The following PIK3CB variants were observed in gnomAD, a reference collection of about 807,000 sequenced individuals.
PIK3CB encodes phosphatidylinositol 4,5-bisphosphate 3-kinase catalytic subunit beta isoform.
A neutral mutation model predicts 136.8 loss-of-function variants in PIK3CB; 39 were observed. The ratio of observed to expected loss-of-function variants is 0.29; its 90% CI spans 0.22 to 0.37. PIK3CB has a LOEUF of 0.37. Ranked by LOEUF, PIK3CB falls within the 10% of genes least tolerant of loss-of-function variation. PIK3CB has a pLI of 1.00. For missense variants in PIK3CB, 868 were observed against 1,275.4 expected, an observed-to-expected ratio of 0.68 and a Z score of 4.87; for synonymous variants, 428 against 436.6, an observed-to-expected ratio of 0.98 and a Z score of 0.25.
chr3:138,745,632 C>CA (rs1265454736), intron 4 of PIK3CB, among the ~76,000 whole-genome samples: 9 of 149,890 alleles, frequency 6.0e-5, no homozygotes, highest in East Asian at 1.9e-4. Flanking sequence ...GACCCCATCT[C>CA]AAAAAAAAAG....
At chr3:138,799,206 C>G (rs2046143218) in intron 1 of PIK3CB, among the ~76,000 whole-genome samples, 1 of 139,688 alleles carries the variant, frequency 7.2e-6, no homozygotes, top group Admixed American at 7.4e-5. Flanking sequence ...GAGACAGAGT[C>G]TCACTCTGTC....
intron 16 of PIK3CB, among the ~76,000 whole-genome samples, chr3:138,688,089 A>T (rs909086869): frequency 2.0e-5 from 3 of 152,238 alleles, no homozygotes; most frequent in African/African-American, 7.2e-5. Context: ...AAAGTTTTTA[A>T]CATCATGAAA....
At chr3:138,712,133 T>C in intron 10 of PIK3CB, 75 bp downstream of exon 10, 1 of 603,556 alleles carries the variant, frequency 1.7e-6, no homozygotes, top group Non-Finnish European at 2.9e-6. Context: ...AGAACGGTGA[T>C]TCATAAATAT....
At chr3:138,825,470 C>T (rs1933740354) in intron 1 of PIK3CB, 12 of 702,456 alleles carry the variant, frequency 1.7e-5, no homozygotes, top group Non-Finnish European at 3.1e-5. Flanking sequence ...GAAGTCAGCA[C>T]TTACATTAAG....
In PIK3CB at chr3:138,823,531, C is replaced by T. The variant is rs1438026461; in HGVS notation, c.-122+11164G>A. Among the ~76,000 whole-genome samples the T allele has an allele frequency of 2.6e-5, 4 of 151,886 alleles. No homozygotes were observed. In the East Asian group the frequency reaches 5.8e-4, roughly 22 times the overall value. ...CATCCTGGGCAACATGGTGAAACCT[C>T]GTCTCTACTAAAAATACAAAAATTA... On this transcript the variant is annotated intron_variant, in intron 1 of 23. Coordinates refer to ENST00000674063, the MANE Select transcript of PIK3CB (RefSeq NM_006219.3).
Position 138,698,911 on chromosome 3 carries a change from G to C in PIK3CB, c.1766C>G (p.Ala589Gly). The change falls in exon 13 of 24, where the codon GCT becomes GGT. Residue 589 changes from alanine (A) to glycine (G), a missense_variant. Coordinates refer to ENST00000674063, the MANE Select transcript of PIK3CB (RefSeq NM_006219.3). The stretch of plus-strand genomic sequence containing the variant: ...ATAGAAACGATCTTTTGTTACCTGA[G>C]CAACATCCTCAAGTTTATTCCACTT... ...SIKWNKLEDV[A>G]QLQALLQIWP... is the part of the protein sequence containing the mutation. 6.3e-7 allele frequency: 1 copy of C among 1,586,448 alleles called. No homozygotes were observed. Among genetic ancestry groups the C allele is most frequent in the East Asian group, 2.3e-5 (1 of 44,416 alleles).
intron 5 of PIK3CB, among the ~76,000 whole-genome samples, chr3:138,739,788 G>C (rs535669752): frequency 6.6e-6 from 1 of 151,214 alleles, no homozygotes; most frequent in Admixed American, 6.6e-5. Context: ...TGTAGTCCCA[G>C]CTACTCGGGA....
intron 1 of PIK3CB, among the ~76,000 whole-genome samples, chr3:138,826,711 C>T (rs992973465): frequency 1.3e-5 from 2 of 151,672 alleles, no homozygotes; most frequent in Non-Finnish European, 2.9e-5. Flanking sequence ...ACAACACATA[C>T]ACTCTCTCAC....
chr3:138,731,459 C>T (rs1316554041), intron 8 of PIK3CB, among the ~76,000 whole-genome samples: 1 of 151,568 alleles, frequency 6.6e-6, no homozygotes, highest in Non-Finnish European at 1.5e-5. Context: ...CGCCGTGTTC[C>T]CCAGGCTGGT....
At chr3:138,706,822 A>G (rs559053914) in intron 11 of PIK3CB, among the ~76,000 whole-genome samples, 22 of 152,258 alleles carry the variant, frequency 1.4e-4, no homozygotes, top group African/African-American at 3.8e-4. Flanking sequence ...ATGTCCAGCT[A>G]ATTTTGTATT....
At chr3:138,693,990 A>ATT (rs2044081102) in intron 14 of PIK3CB, among the ~76,000 whole-genome samples, 3 of 115,468 alleles carry the variant, frequency 2.6e-5, no homozygotes, top group Non-Finnish European at 3.5e-5. Context: ...ATATATATAT[A>ATT]TATTTTAAAC....
intron 1 of PIK3CB, among the ~76,000 whole-genome samples, chr3:138,801,366 A>C (rs966055331): frequency 6.6e-6 from 1 of 152,128 alleles, no homozygotes; most frequent in Non-Finnish European, 1.5e-5. Flanking sequence ...CGCCATTATC[A>C]ATGCATTAAA....
chr3:138,755,216 G>A (rs1230754664), intron 4 of PIK3CB, among the ~76,000 whole-genome samples: 2 of 152,188 alleles, frequency 1.3e-5, no homozygotes, highest in African/African-American at 2.4e-5. Flanking sequence ...TATAAAATAT[G>A]TTCATTCTAT....
At chr3:138,742,496 T>C (rs1038997114) in intron 5 of PIK3CB, 62 bp downstream of exon 5, 9 of 783,932 alleles carry the variant, frequency 1.1e-5, no homozygotes, top group African/African-American at 8.8e-5. Context: ...AAAAATGCAG[T>C]TGTATTCGGG....
chr3:138,705,337 T>C (rs1305504823), intron 11 of PIK3CB, among the ~76,000 whole-genome samples: 1 of 152,034 alleles, frequency 6.6e-6, no homozygotes, highest in Non-Finnish European at 1.5e-5. Flanking sequence ...AACTATTAAA[T>C]ATATCACGAG....
Position 138,683,781 on chromosome 3 carries a change from T to C in PIK3CB, c.2322A>G (p.Glu774=), listed in dbSNP as rs752679313. 1 of 1,548,780 alleles carries C rather than the reference T, an allele frequency of 6.5e-7. No individual in the cohort carries two copies. The highest frequency in any genetic ancestry group is 8.9e-7 in the Non-Finnish European group (1 of 1,121,330). The stretch of plus-strand genomic sequence containing the variant: ...TTTTGGAATCCATGTATTTGCACTT[T>C]TCAACACTGAAATCAAGTGGGGAAA... The part of the protein sequence containing the change: ...PCVILSELYV[E]KCKYMDSKMK... Residue 774 remains glutamate (E), a synonymous_variant, in exon 18 of 24, where the codon GAA becomes GAG. Coordinates refer to ENST00000674063, the MANE Select transcript of PIK3CB (RefSeq NM_006219.3).
intron 2 of PIK3CB, among the ~76,000 whole-genome samples, chr3:138,775,635 G>A (rs944256676): frequency 6.6e-6 from 1 of 152,096 alleles, no homozygotes; most frequent in African/African-American, 2.4e-5. Context: ...CCACAATGTT[G>A]CTGTCATGAA....
At chr3:138,790,131 T>A (rs2046031601) in intron 2 of PIK3CB, among the ~76,000 whole-genome samples, 1 of 151,490 alleles carries the variant, frequency 6.6e-6, no homozygotes, top group African/African-American at 2.4e-5. Context: ...TGAAGCAGAG[T>A]AGTCAAATTC....
chr3:138,653,151 T>A lies in PIK3CB; in HGVS notation c.*2238A>T, dbSNP rs937016456. On this transcript the variant is annotated 3_prime_UTR_variant, in exon 24 of 24. Coordinates refer to ENST00000674063, the MANE Select transcript of PIK3CB (RefSeq NM_006219.3). ...TTTGGAAAACTCAATATTCTGGAGA[T>A]GTCAATTTGTCTCAACCTTGTCTAT... The A allele has an allele frequency of 3.3e-5, 6 of 181,936 alleles. No homozygotes were observed. Among genetic ancestry groups the A allele is most frequent in the African/African-American group, 1.2e-4 (5 of 42,494 alleles). The allele number at this position is 181,936 out of a possible 1,614,324, so 11.3% of individuals were successfully genotyped here. A position where few individuals can be genotyped will look rare whatever the true frequency, so the allele number is the denominator to read the frequency against.
Sources: gnomAD v4.1 joint callset for allele counts (sites outside exome capture counted in the v4.1 genomes callset) on GRCh38, gnomAD v4.1.1 for gene constraint, MANE v1.5 for transcripts, NCBI Gene and HGNC (gene_info 2026-07-23, HGNC 2026-07-21) for gene names.